FGF13: variants seen among roughly 807,000 people sequenced by gnomAD.
The protein encoded by FGF13 is fibroblast growth factor 13, also known as fibroblast growth factor homologous factor 2.
In FGF13, 2 loss-of-function variants were observed where a neutral mutation model predicts 19.5. That is an observed-to-expected ratio of 0.10 (90% CI 0.04 to 0.32). The LOEUF is 0.32. Among genes scored for constraint, FGF13 ranks in the 10% least tolerant of loss-of-function variants. The probability of loss-of-function intolerance (pLI) is 1.00; values close to 1 mark genes in which losing one functional copy is unlikely to be tolerated. For missense variants in FGF13, 113 were observed against 192.7 expected (o/e 0.59, Z 2.45); for synonymous variants, 72 against 76.9 (o/e 0.94, Z 0.33).
intron 3 of FGF13, among the ~76,000 whole-genome samples, chrX:138,784,075 A>G (rs1258631649): frequency 2.0e-5 from 2 of 98,503 alleles, no homozygotes; most frequent in Non-Finnish European, 4.1e-5. Flanking sequence ...ACAAAAAACC[A>G]AACACCGCAT....
chrX:138,715,680 C>T (rs1244942626), upstream of FGF13, among the ~76,000 whole-genome samples: 2 of 112,180 alleles, frequency 1.8e-5, no homozygotes, highest in Non-Finnish European at 3.8e-5. Context: ...TTTATCTTCC[C>T]CTCTTCATAC....
chrX:138,634,752 G>A (rs2089163057), intron 4 of FGF13, among the ~76,000 whole-genome samples: 1 of 112,226 alleles, frequency 8.9e-6, no homozygotes, highest in Non-Finnish European at 1.9e-5. Context: ...AAAAACAACA[G>A]ATGTTGGCAT....
chrX:138,955,471 G>C (rs1226309964), intron 1 of FGF13, among the ~76,000 whole-genome samples: 1 of 111,769 alleles, frequency 8.9e-6, no homozygotes, highest in Non-Finnish European at 1.9e-5. Context: ...CTCCTAATGT[G>C]GGTATTATTT....
intron 1 of FGF13, among the ~76,000 whole-genome samples, chrX:138,996,392 G>A (rs1030906124): frequency 1.8e-5 from 2 of 112,852 alleles, no homozygotes; most frequent in African/African-American, 3.2e-5. Flanking sequence ...TGCCTGGCTC[G>A]GCATGTCCCA....
At chrX:138,752,342 G>A (rs775763767) in intron 3 of FGF13, among the ~76,000 whole-genome samples, 7 of 110,523 alleles carry the variant, frequency 6.3e-5, no homozygotes, top group Non-Finnish European at 9.5e-5. Flanking sequence ...CAGGAGAATC[G>A]CTTGAAACCG....
chrX:139,092,514 T>C (rs1230839150), intron 1 of FGF13, among the ~76,000 whole-genome samples: 1 of 112,261 alleles, frequency 8.9e-6, no homozygotes, highest in African/African-American at 3.2e-5. Context: ...CTGCATCCCA[T>C]TGTCTGTGAC....
upstream of FGF13, chrX:138,716,267 G>C (rs141218704): frequency 3.3e-3 from 372 of 112,039 alleles, no homozygotes; most frequent in African/African-American, 0.011. Context: ...GTAACACTGG[G>C]ATCTCCCCAT....
chrX:138,871,567 G>A (rs1279167945), intron 1 of FGF13, among the ~76,000 whole-genome samples: 1 of 112,278 alleles, frequency 8.9e-6, no homozygotes, highest in Non-Finnish European at 1.9e-5. Context: ...AGTTCCTAAT[G>A]TGTCAATTAG....
At chrX:138,996,978 G>A (rs1306269599) in intron 1 of FGF13, among the ~76,000 whole-genome samples, 1 of 112,106 alleles carries the variant, frequency 8.9e-6, no homozygotes, top group Non-Finnish European at 1.9e-5. Flanking sequence ...ACTTCCAGAG[G>A]AAGTATCAGG....
chrX:138,925,112 T>C (rs2091666076), intron 1 of FGF13, among the ~76,000 whole-genome samples: 1 of 112,133 alleles, frequency 8.9e-6, no homozygotes. Flanking sequence ...TTCCCATTTG[T>C]TGAGGGACTT....
downstream of FGF13, among the ~76,000 whole-genome samples, chrX:138,853,489 T>A (rs1206210622): frequency 9.0e-6 from 1 of 111,203 alleles, no homozygotes; most frequent in African/African-American, 3.3e-5. Context: ...TGGTGGAAGC[T>A]GCCATACTTT....
At chrX:138,867,080 T>C (rs1409126177) in intron 1 of FGF13, among the ~76,000 whole-genome samples, 2 of 111,106 alleles carry the variant, frequency 1.8e-5, no homozygotes, top group African/African-American at 3.3e-5. Flanking sequence ...CAAGATAATG[T>C]GGGTGGGAGC....
chrX:139,050,305 A>G (rs1018091879), intron 1 of FGF13, among the ~76,000 whole-genome samples: 3 of 111,832 alleles, frequency 2.7e-5, no homozygotes, highest in African/African-American at 9.8e-5. Context: ...CAAGACAATA[A>G]TCTATCTTCA....
Position 138,812,953 on chromosome X carries a change from GT to G in FGF13, c.217+44558del, listed in dbSNP as rs1178290149. 2.7e-5 allele frequency among the ~76,000 whole-genome samples: 3 copies of G among 111,165 alleles called. No individual in the cohort carries two copies. In the Admixed American group the frequency reaches 2.9e-4, roughly 11 times the overall value. ...TATGAGTGAGAACATGCAGTGTTTG[GT>G]TTTCTGTTCCTGTGTTAGTTTGCTG... On this transcript the variant is annotated intron_variant, in intron 3 of 6. Coordinates refer to the FGF13 transcript ENST00000436198.
At chrX:138,801,578 G>A (rs1421213561) in intron 3 of FGF13, among the ~76,000 whole-genome samples, 1 of 112,071 alleles carries the variant, frequency 8.9e-6, no homozygotes, top group Non-Finnish European at 1.9e-5. Flanking sequence ...CCCACTTGAG[G>A]AGGCAGTCTG....
intron 3 of FGF13, among the ~76,000 whole-genome samples, chrX:138,756,571 C>T (rs141005579): frequency 7.0e-4 from 79 of 112,648 alleles, no homozygotes; most frequent in African/African-American, 2.4e-3. Context: ...AAAGCAAGGA[C>T]CCTTGCCAGT....
At chrX:138,995,395 T>C (rs1351034906) in intron 1 of FGF13, among the ~76,000 whole-genome samples, 3 of 111,876 alleles carry the variant, frequency 2.7e-5, no homozygotes, top group Non-Finnish European at 3.8e-5. Context: ...GGGTTTGTTG[T>C]AGGTATTATT....
At chrX:138,918,169 A>AAAAC (rs1199838075) in intron 1 of FGF13, among the ~76,000 whole-genome samples, 1 of 110,818 alleles carries the variant, frequency 9.0e-6, no homozygotes. Context: ...GAAGACAAAA[A>AAAAC]AAAAAATAGG....
intron 1 of FGF13, among the ~76,000 whole-genome samples, chrX:139,112,081 A>T (rs1362098216): frequency 8.9e-6 from 1 of 112,021 alleles, no homozygotes; most frequent in Non-Finnish European, 1.9e-5. Context: ...ACCAAAAAGA[A>T]AATCAATCAC....
Sources: allele counts gnomAD v4.1 joint callset (sites outside exome capture counted in the v4.1 genomes callset), GRCh38; gene constraint gnomAD v4.1.1; transcripts MANE v1.5; gene names NCBI Gene and HGNC (gene_info 2026-07-23, HGNC 2026-07-21).